Variants in ARL15 observed in about 807,000 individuals in gnomAD.
ARL15 encodes the protein ADP-ribosylation factor-like protein 15.
Under a neutral mutation model 25.2 loss-of-function variants are expected in ARL15, and 19 were observed. That is an observed-to-expected ratio of 0.75 (90% CI 0.53 to 1.10). The LOEUF is 1.10. ARL15 is among the 50% of genes least tolerant of loss of function. The probability of loss-of-function intolerance (pLI) is 0.00; values close to 1 mark genes in which losing one functional copy is unlikely to be tolerated. For missense variants in ARL15, 220 were observed against 246.0 expected, an observed-to-expected ratio of 0.89 and a Z score of 0.71; for synonymous variants, 94 against 86.8, an observed-to-expected ratio of 1.08 and a Z score of -0.46.
intron 1 of ARL15, among the ~76,000 whole-genome samples, chr5:54,199,889 C>T (rs1231961702): frequency 1.1e-5 from 1 of 92,686 alleles, no homozygotes; most frequent in African/African-American, 4.4e-5. Context: ...GACTTGGAAC[C>T]AACCCAAATG....
At chr5:53,995,096 G>T (rs1245936811) in intron 4 of ARL15, among the ~76,000 whole-genome samples, 1 of 152,060 alleles carries the variant, frequency 6.6e-6, no homozygotes, top group Non-Finnish European at 1.5e-5. Context: ...AGATCACGAG[G>T]TCAGGAATTC....
chr5:54,298,372 C>A (rs981774224), intron 1 of ARL15, among the ~76,000 whole-genome samples: 2 of 152,240 alleles, frequency 1.3e-5, no homozygotes, highest in East Asian at 1.9e-4. Context: ...AACTACCAAC[C>A]CTCTGTGTCT....
intron 1 of ARL15, among the ~76,000 whole-genome samples, chr5:54,174,654 A>G (rs1428575146): frequency 6.6e-6 from 1 of 152,198 alleles, no homozygotes; most frequent in Non-Finnish European, 1.5e-5. Flanking sequence ...GACCATAACT[A>G]CTAACAGCAT....
intron 1 of ARL15, among the ~76,000 whole-genome samples, chr5:54,188,511 A>T (rs1244904780): frequency 6.6e-6 from 1 of 152,170 alleles, no homozygotes; most frequent in Admixed American, 6.5e-5. Context: ...AATTACAATA[A>T]TATTGGATAC....
intron 1 of ARL15, among the ~76,000 whole-genome samples, chr5:54,281,808 A>AT (rs1411390402): frequency 6.6e-6 from 1 of 152,114 alleles, no homozygotes; most frequent in Non-Finnish European, 1.5e-5. Context: ...TACTCCATGT[A>AT]TTTTCCCGTG....
At chr5:54,185,296 C>T (rs1755206989) in intron 1 of ARL15, among the ~76,000 whole-genome samples, 1 of 152,146 alleles carries the variant, frequency 6.6e-6, no homozygotes. Flanking sequence ...CTCTGGCTGG[C>T]TCTTAGTTAC....
At chr5:54,266,077 C>T (rs543237732) in intron 1 of ARL15, among the ~76,000 whole-genome samples, 163 of 152,320 alleles carry the variant, frequency 1.1e-3, no homozygotes, top group African/African-American at 3.2e-3. Flanking sequence ...TGCTTTGCCT[C>T]ACACTTAAAA....
intron 4 of ARL15, among the ~76,000 whole-genome samples, chr5:53,891,387 G>A (rs1744702538): frequency 6.6e-6 from 1 of 152,164 alleles, no homozygotes. Flanking sequence ...TCCTTACTGC[G>A]TGGGACTCTG....
Position 53,930,626 on chromosome 5 carries a change from A to G in ARL15, c.463-43913T>C, listed in dbSNP as rs746361854. On this transcript the variant is annotated intron_variant, in intron 4 of 4. Coordinates refer to ENST00000504924, the MANE Select transcript of ARL15 (RefSeq NM_019087.3). ...TACAGAACACACTCTAGGTTGCTCA[A>G]CACTCCAGGGGAATATTTTCGGTGG... Among the ~76,000 whole-genome samples, 3 of 152,224 alleles carry G rather than the reference A, an allele frequency of 2.0e-5. 1 individual carries two copies. In the South Asian group the frequency reaches 6.2e-4, roughly 32 times the overall value.
chr5:53,937,313 A>ACG (rs1746383187), intron 4 of ARL15, among the ~76,000 whole-genome samples: 1 of 152,104 alleles, frequency 6.6e-6, no homozygotes, highest in Non-Finnish European at 1.5e-5. Context: ...ACACACACAC[A>ACG]CACAGCCTGA....
At chr5:54,136,705 C>G (rs934746684) in intron 3 of ARL15, among the ~76,000 whole-genome samples, 1 of 152,186 alleles carries the variant, frequency 6.6e-6, no homozygotes, top group Non-Finnish European at 1.5e-5. Context: ...ACAAAACTCA[C>G]AGCCTGCTCT....
intron 1 of ARL15, among the ~76,000 whole-genome samples, chr5:54,192,196 C>T (rs910481061): frequency 6.6e-6 from 1 of 151,866 alleles, no homozygotes; most frequent in Non-Finnish European, 1.5e-5. Flanking sequence ...TCACATATCA[C>T]CTTTCAGTAA....
At chr5:53,984,926 C>T (rs1168386706) in intron 4 of ARL15, among the ~76,000 whole-genome samples, 1 of 152,124 alleles carries the variant, frequency 6.6e-6, no homozygotes, top group African/African-American at 2.4e-5. Context: ...GGCTGTTTAT[C>T]CTGCCAATTT....
intron 1 of ARL15, among the ~76,000 whole-genome samples, chr5:54,263,455 A>C (rs1265741135): frequency 6.6e-6 from 1 of 152,190 alleles, no homozygotes; most frequent in Non-Finnish European, 1.5e-5. Flanking sequence ...TAAAAAGATA[A>C]GGGTGAAGGG....
chr5:54,266,571 T>C (rs957477287), intron 1 of ARL15, among the ~76,000 whole-genome samples: 4 of 152,208 alleles, frequency 2.6e-5, no homozygotes, highest in African/African-American at 7.2e-5. Flanking sequence ...AACTAAAAGT[T>C]TGGTTATTCA....
At chr5:54,197,027 C>G (rs190415288) in intron 1 of ARL15, among the ~76,000 whole-genome samples, 1 of 151,998 alleles carries the variant, frequency 6.6e-6, no homozygotes, top group Non-Finnish European at 1.5e-5. Context: ...GTAAAAACAC[C>G]TGGGATATTT....
At chr5:53,928,379 C>T (rs1419145657) in intron 4 of ARL15, among the ~76,000 whole-genome samples, 1 of 152,132 alleles carries the variant, frequency 6.6e-6, no homozygotes, top group African/African-American at 2.4e-5. Flanking sequence ...CTAAAAGGAT[C>T]CTTCAGCTCC....
intron 1 of ARL15, among the ~76,000 whole-genome samples, chr5:54,253,088 T>C (rs1308579169): frequency 6.6e-6 from 1 of 152,122 alleles, no homozygotes; most frequent in Non-Finnish European, 1.5e-5. Context: ...ACAATCATTG[T>C]TCACCAGGAA....
At chr5:53,904,228 A>C (rs1379170207) in intron 4 of ARL15, among the ~76,000 whole-genome samples, 1 of 152,210 alleles carries the variant, frequency 6.6e-6, no homozygotes, top group Non-Finnish European at 1.5e-5. Context: ...TTGCCTACAC[A>C]GTGAATGTTC....
Sources: allele counts gnomAD v4.1 joint callset (sites outside exome capture counted in the v4.1 genomes callset), GRCh38; gene constraint gnomAD v4.1.1; transcripts MANE v1.5; gene names NCBI Gene and HGNC (gene_info 2026-07-23, HGNC 2026-07-21).